Variants in PDS5B observed in about 807,000 individuals in gnomAD.
PDS5B encodes the protein PDS5 cohesin associated factor B, also known as sister chromatid cohesion protein PDS5 homolog B.
In PDS5B, 51 loss-of-function variants were observed where a neutral mutation model predicts 184.1. That is an observed-to-expected ratio of 0.28 (90% CI 0.22 to 0.35). The LOEUF (loss-of-function observed/expected upper bound fraction) is 0.35, where lower values mean the gene tolerates loss of function less well. Ranked by LOEUF, PDS5B falls within the 10% of genes least tolerant of loss-of-function variation. The pLI is 1.00. For synonymous variants in PDS5B, 566 were observed against 569.2 expected (o/e 0.99, Z 0.08); for missense variants, 1,180 against 1,723.3 (o/e 0.68, Z 5.58).
intron 1 of PDS5B, among the ~76,000 whole-genome samples, chr13:32,614,369 C>G (rs987718781): frequency 6.6e-6 from 1 of 150,730 alleles, no homozygotes; most frequent in Non-Finnish European, 1.5e-5. Context: ...GTGATCTCAG[C>G]TCACTGCAAC....
At chr13:32,721,350 TC>T (rs1412156886) in intron 19 of PDS5B, among the ~76,000 whole-genome samples, 1 of 119,596 alleles carries the variant, frequency 8.4e-6, no homozygotes, top group South Asian at 2.9e-4. Context: ...GGGCGAGGGC[TC>T]CCCCCACCTC....
rs536310996 is a variant in PDS5B, at chr13:32,764,742, A to G, written c.3624+148A>G. On this transcript the variant is annotated intron_variant, in intron 31 of 34. Transcript: ENST00000315596. ...TAACCACAAACCTGAGTTTATAATTATCCTCTATGTAATTTAAGTATATAG... is the reference window on the plus strand; with the variant it reads ...TAACCACAAACCTGAGTTTATAATTGTCCTCTATGTAATTTAAGTATATAG... The G allele has an allele frequency of 1.5e-5, 7 of 467,434 alleles. No homozygotes were observed. In the South Asian group the frequency reaches 2.9e-4, roughly 19 times the overall value. 29.0% of individuals were successfully genotyped at this position (467,434 alleles called of 1,614,324 possible).
intron 24 of PDS5B, among the ~76,000 whole-genome samples, chr13:32,750,841 C>T (rs1387766285): frequency 8.5e-6 from 1 of 117,102 alleles, no homozygotes. Flanking sequence ...TGCGCCCGGC[C>T]TCCCTCTGTG....
At position 32,751,969 on chromosome 13, in the gene PDS5B, CCAAGAT is replaced by C. The variant is rs1192863440; in HGVS notation, c.2737-1362_2737-1357del. On this transcript the variant is annotated intron_variant, in intron 24 of 34. Coordinates refer to ENST00000315596, the MANE Select transcript of PDS5B (RefSeq NM_015032.4). ...TAAAGATAAGGATGAGATGTTATGA[CCAAGAT>C]TTTTGGGGAAGATAAACTAAATGAT... 2.2e-3 allele frequency among the ~76,000 whole-genome samples: 330 copies of C among 152,078 alleles called. 2 individuals carry two copies. Among genetic ancestry groups the C allele is most frequent in the African/African-American group, 7.9e-3 (326 of 41,502 alleles).
intron 19 of PDS5B, among the ~76,000 whole-genome samples, chr13:32,724,193 T>A (rs1952816763): frequency 6.6e-6 from 1 of 152,180 alleles, no homozygotes; most frequent in African/African-American, 2.4e-5. Context: ...CGTAGCTCAC[T>A]GCGGCCTTGA....
At chr13:32,687,310 T>A in intron 12 of PDS5B, 25 bp downstream of exon 12, 1 of 1,475,074 alleles carries the variant, frequency 6.8e-7, no homozygotes, top group Non-Finnish European at 9.2e-7. Flanking sequence ...CTATAAATAT[T>A]TGGTGACTTT....
chr13:32,635,935 A>AT (rs1299975364), intron 1 of PDS5B, among the ~76,000 whole-genome samples: 1 of 150,254 alleles, frequency 6.7e-6, no homozygotes, highest in Admixed American at 6.6e-5. Flanking sequence ...CGCCTGGCTA[A>AT]TTTTTTTGTA....
At chr13:32,617,359 G>A (rs573978566) in intron 1 of PDS5B, among the ~76,000 whole-genome samples, 2 of 152,282 alleles carry the variant, frequency 1.3e-5, no homozygotes, top group Admixed American at 1.3e-4. Context: ...GGGAGAGGCA[G>A]CCACATACAT....
chr13:32,643,705 A>G (rs1001563441), intron 1 of PDS5B, among the ~76,000 whole-genome samples: 3 of 152,174 alleles, frequency 2.0e-5, no homozygotes, highest in African/African-American at 7.2e-5. Flanking sequence ...CATACTGTAC[A>G]GGTTTGTAGC....
At chr13:32,592,032 C>T (rs2057783673) in intron 1 of PDS5B, among the ~76,000 whole-genome samples, 1 of 152,162 alleles carries the variant, frequency 6.6e-6, no homozygotes, top group Non-Finnish European at 1.5e-5. Context: ...TGAAGCGACA[C>T]ACAGGAAGGG....
chr13:32,731,950 A>G (rs1265444156), intron 19 of PDS5B, 151 bp from the exon 20 acceptor site: 1 of 531,340 alleles, frequency 1.9e-6, no homozygotes, highest in Non-Finnish European at 3.3e-6. Context: ...ATAAAGCAAA[A>G]TCATAGGCCT....
chr13:32,750,691 G>A (rs1202770705), intron 24 of PDS5B, among the ~76,000 whole-genome samples: 1 of 152,000 alleles, frequency 6.6e-6, no homozygotes, highest in African/African-American at 2.4e-5. Flanking sequence ...ACAGGTGCCT[G>A]CCACCACACC....
chr13:32,734,875 A>G (rs17594677), intron 20 of PDS5B, among the ~76,000 whole-genome samples: 57,050 of 152,028 alleles, frequency 0.38, 11,373 homozygotes, highest in Non-Finnish European at 0.45. Context: ...ATGGTCATAA[A>G]CTATATGCTA....
chr13:32,605,691 T>C (rs529167962), intron 1 of PDS5B, among the ~76,000 whole-genome samples: 239 of 152,306 alleles, frequency 1.6e-3, no homozygotes, highest in Non-Finnish European at 2.8e-3. Flanking sequence ...CCGTTATTAT[T>C]GTGTGGGAGT....
At chr13:32,639,738 G>A (rs533626278) in intron 1 of PDS5B, among the ~76,000 whole-genome samples, 2 of 152,206 alleles carry the variant, frequency 1.3e-5, no homozygotes, top group East Asian at 1.9e-4. Flanking sequence ...CAGTTGTGGC[G>A]AAGACTGCCT....
At chr13:32,728,879 G>C (rs1004332741) in intron 19 of PDS5B, among the ~76,000 whole-genome samples, 1 of 152,126 alleles carries the variant, frequency 6.6e-6, no homozygotes, top group African/African-American at 2.4e-5. Context: ...TTAAAAAAAT[G>C]TGTGAAGGTA....
intron 7 of PDS5B, among the ~76,000 whole-genome samples, 189 bp downstream of exon 7, chr13:32,668,033 C>T (rs1161858719): frequency 1.3e-5 from 2 of 152,130 alleles, no homozygotes; most frequent in African/African-American, 2.4e-5. Context: ...GGAAGGCTTG[C>T]TCTCATCCTA....
intron 12 of PDS5B, 141 bp from the exon 13 acceptor site, chr13:32,688,315 G>A (rs539656194): frequency 1.9e-6 from 1 of 534,218 alleles, no homozygotes; most frequent in African/African-American, 1.9e-5. Flanking sequence ...CAGATAGAAG[G>A]TTTTGATTTG....
chr13:32,709,375 T>C (rs1382709917), intron 18 of PDS5B, among the ~76,000 whole-genome samples: 1 of 152,042 alleles, frequency 6.6e-6, no homozygotes, highest in East Asian at 1.9e-4. Context: ...GACTATTTAT[T>C]TTCTGTTGAC....
Sources: allele counts gnomAD v4.1 joint callset (sites outside exome capture counted in the v4.1 genomes callset), GRCh38; gene constraint gnomAD v4.1.1; transcripts MANE v1.5; gene names NCBI Gene and HGNC (gene_info 2026-07-23, HGNC 2026-07-21).